NLGN1: variants seen among roughly 807,000 people sequenced by gnomAD.
NLGN1 encodes neuroligin 1.
Under a neutral mutation model 65.5 loss-of-function variants are expected in NLGN1, and 12 were observed. The ratio of observed to expected loss-of-function variants is 0.18; its 90% confidence interval spans 0.12 to 0.30. NLGN1 has a LOEUF of 0.30. Among genes scored for constraint, NLGN1 ranks in the 10% least tolerant of loss-of-function variants. The pLI is 1.00. For missense variants in NLGN1, 750 were observed against 1,007.1 expected, an observed-to-expected ratio of 0.74 and a Z score of 3.46; for synonymous variants, 350 against 359.5, an observed-to-expected ratio of 0.97 and a Z score of 0.30.
intron 3 of NLGN1, among the ~76,000 whole-genome samples, chr3:173,619,888 A>T (rs1004114164): frequency 6.6e-6 from 1 of 152,174 alleles, no homozygotes; most frequent in African/African-American, 2.4e-5. Flanking sequence ...GATACTTGAA[A>T]TGACTGCAGA....
intron 3 of NLGN1, among the ~76,000 whole-genome samples, chr3:173,770,759 C>T (rs551257174): frequency 3.0e-4 from 45 of 151,950 alleles, no homozygotes; most frequent in African/African-American, 1.0e-3. Context: ...TGGCAGTGTG[C>T]ATCCCAAAAA....
chr3:173,739,676 CTA>C (rs775714911), intron 3 of NLGN1, among the ~76,000 whole-genome samples: 1 of 152,042 alleles, frequency 6.6e-6, no homozygotes, highest in East Asian at 1.9e-4. Flanking sequence ...AAAAATGACT[CTA>C]TTTGGAAAAT....
chr3:173,997,737 C>T (rs1722548174), intron 4 of NLGN1, among the ~76,000 whole-genome samples: 1 of 152,186 alleles, frequency 6.6e-6, no homozygotes, highest in East Asian at 1.9e-4. Context: ...ATTCTCACAG[C>T]AAAACTACCG....
intron 4 of NLGN1, among the ~76,000 whole-genome samples, chr3:174,152,249 C>CTATATGTCTATCCTTCTATA (rs1227481437): frequency 3.3e-5 from 5 of 152,202 alleles, no homozygotes; most frequent in Admixed American, 2.0e-4. Context: ...ATGTCTATAT[C>CTATATGTCTATCCTTCTATA]TATATGTCTA....
At chr3:173,747,374 A>G in intron 3 of NLGN1, among the ~76,000 whole-genome samples, 1 of 146,296 alleles carries the variant, frequency 6.8e-6, no homozygotes, top group Non-Finnish European at 1.5e-5. Flanking sequence ...AGATATATAT[A>G]TACTTAAAGA....
At chr3:173,533,009 G>A (rs1339650603) in intron 2 of NLGN1, among the ~76,000 whole-genome samples, 2 of 152,250 alleles carry the variant, frequency 1.3e-5, no homozygotes, top group African/African-American at 4.8e-5. Context: ...AATTTTGCAT[G>A]CGTATTCTTG....
At chr3:174,045,845 A>C (rs1733459828) in intron 4 of NLGN1, among the ~76,000 whole-genome samples, 1 of 152,206 alleles carries the variant, frequency 6.6e-6, no homozygotes, top group South Asian at 2.1e-4. Context: ...AGCTGAGCTT[A>C]TAAAATTCTT....
chr3:173,730,803 A>G (rs1298887046), intron 3 of NLGN1, among the ~76,000 whole-genome samples: 1 of 152,184 alleles, frequency 6.6e-6, no homozygotes, highest in East Asian at 1.9e-4. Flanking sequence ...TCTTTTAAAT[A>G]GAACAAAATG....
rs1187450917 is a variant in NLGN1 at position 173,746,532 on chromosome 3, AT to A, written c.494-61147del. On this transcript the variant is annotated intron_variant, in intron 3 of 6. Transcript: ENST00000457714. ...CAGGACTTCCTTGCTGTTTCCTCTA[AT>A]GAGTCAGAATTCGAGTCTGAGTCTT... 5.1e-3 allele frequency among the ~76,000 whole-genome samples: 771 copies of A among 150,492 alleles called. 6 individuals are homozygous for A. The highest frequency in any genetic ancestry group is 0.018 in the African/African-American group (736 of 40,166).
intron 4 of NLGN1, among the ~76,000 whole-genome samples, chr3:174,076,714 AGAGAGAGAGAGTGTGTGT>A (rs1422797678): frequency 1.3e-4 from 18 of 135,532 alleles, no homozygotes; most frequent in African/African-American, 3.8e-4. Context: ...AGAGAGAGAG[AGAGAGAGAGAGTGTGTGT>A]GTGTGTGTGT....
At chr3:173,578,276 T>C (rs1745854116) in intron 2 of NLGN1, among the ~76,000 whole-genome samples, 1 of 151,662 alleles carries the variant, frequency 6.6e-6, no homozygotes. Context: ...TTTTAAGGGT[T>C]CCTTTATTTA....
At chr3:173,557,600 C>T (rs1435699220) in intron 2 of NLGN1, among the ~76,000 whole-genome samples, 2 of 151,816 alleles carry the variant, frequency 1.3e-5, no homozygotes, top group African/African-American at 2.4e-5. Flanking sequence ...TATCTGAATC[C>T]CTTTATTGGT....
rs191482563 is a variant in NLGN1, at chr3:173,834,264, G to A, written c.646+26432G>A. Among the ~76,000 whole-genome samples the A allele has an allele frequency of 1.4e-4, 22 of 151,972 alleles. No individual in the cohort carries two copies. The East Asian group carries it at 3.3e-3, about 23-fold the overall frequency. Reference sequence around the variant, plus strand: ...CTACCAAACTTATTTAATTAATAAGGCATTACAATACATTTTGATGGTGGG... The same window carrying A: ...CTACCAAACTTATTTAATTAATAAGACATTACAATACATTTTGATGGTGGG... On this transcript the variant is annotated intron_variant, in intron 4 of 6. Transcript: ENST00000457714.
intron 4 of NLGN1, among the ~76,000 whole-genome samples, chr3:173,967,355 T>C (rs181971232): frequency 6.6e-6 from 1 of 152,308 alleles, no homozygotes. Flanking sequence ...GGACTCTTGC[T>C]TGAACTGTAA....
chr3:173,529,966 C>CTTTTTTTTTTTTTTT (rs930436367), intron 2 of NLGN1, among the ~76,000 whole-genome samples: 3 of 146,210 alleles, frequency 2.1e-5, no homozygotes, highest in African/African-American at 7.7e-5. Flanking sequence ...CTTTCTTTTC[C>CTTTTTTTTTTTTTTT]TTTTTTTTTT....
intron 4 of NLGN1, among the ~76,000 whole-genome samples, chr3:173,986,476 T>A (rs1719958249): frequency 6.6e-6 from 1 of 151,358 alleles, no homozygotes; most frequent in Non-Finnish European, 1.5e-5. Context: ...CTCAAAAAAA[T>A]AGTAAATAAA....
At chr3:173,996,106 C>T (rs993599605) in intron 4 of NLGN1, among the ~76,000 whole-genome samples, 1 of 152,084 alleles carries the variant, frequency 6.6e-6, no homozygotes, top group African/African-American at 2.4e-5. Context: ...TTCTTTGTTG[C>T]CATTTTTCAA....
At chr3:174,161,271 C>G (rs944239413) in intron 4 of NLGN1, among the ~76,000 whole-genome samples, 4 of 151,710 alleles carry the variant, frequency 2.6e-5, no homozygotes, top group African/African-American at 9.7e-5. Context: ...CACCATATAA[C>G]TGTTACTCAC....
intron 3 of NLGN1, among the ~76,000 whole-genome samples, chr3:173,689,648 C>T (rs1036697518): frequency 4.6e-5 from 7 of 152,124 alleles, no homozygotes; most frequent in African/African-American, 1.7e-4. Flanking sequence ...CCATGCGCTG[C>T]AAAATCATAT....
Sources: gnomAD v4.1 joint callset for allele counts (sites outside exome capture counted in the v4.1 genomes callset) on GRCh38, gnomAD v4.1.1 for gene constraint, MANE v1.5 for transcripts, NCBI Gene and HGNC (gene_info 2026-07-23, HGNC 2026-07-21) for gene names.